The following G3BP2 variants were observed in gnomAD, a reference collection of about 807,000 sequenced individuals.
G3BP2 encodes ras GTPase-activating protein-binding protein 2.
A neutral mutation model predicts 56.7 loss-of-function variants in G3BP2; 11 were observed. That is an observed-to-expected ratio of 0.19 (90% CI 0.12 to 0.32). The LOEUF (loss-of-function observed/expected upper bound fraction) is 0.32. Among genes scored for constraint, G3BP2 ranks in the 10% least tolerant of loss-of-function variants. The pLI, the probability that G3BP2 is intolerant of heterozygous loss-of-function variation, is 1.00. For missense variants in G3BP2, 340 were observed against 610.9 expected, an observed-to-expected ratio of 0.56 and a Z score of 4.67; for synonymous variants, 165 against 191.6, an observed-to-expected ratio of 0.86 and a Z score of 1.15.
intron 3 of G3BP2, among the ~76,000 whole-genome samples, chr4:75,692,458 C>T (rs538571527): frequency 7.2e-5 from 11 of 152,172 alleles, no homozygotes; most frequent in Middle Eastern, 3.4e-3. Context: ...ACTACAGGCG[C>T]GGGCCACCAC....
upstream of G3BP2, among the ~76,000 whole-genome samples, chr4:75,674,719 T>TATATATA (rs57822618): frequency 0.012 from 581 of 50,492 alleles, 2 homozygotes; most frequent in East Asian, 0.037. Flanking sequence ...TATATATATA[T>TATATATA]TTTTTTTTTT....
At chr4:75,699,521 G>C (rs1471244950) in intron 3 of G3BP2, among the ~76,000 whole-genome samples, 2 of 152,162 alleles carry the variant, frequency 1.3e-5, no homozygotes, top group East Asian at 3.8e-4. Context: ...CTTCAGCCTG[G>C]CCCTCAAACT....
Position 75,713,527 on chromosome 4 carries a change from A to G in G3BP2, c.-25+7350T>C, listed in dbSNP as rs1719828313. Among the ~76,000 whole-genome samples, 5 of 152,220 alleles carry G rather than the reference A, an allele frequency of 3.3e-5. No individual in the cohort carries two copies. In the South Asian group the frequency reaches 1.0e-3, roughly 32 times the overall value. On this transcript the variant is annotated intron_variant, in intron 3 of 3. Transcript: ENST00000499709. ...GCAGGGAGTGGTGGATCCTGCCTGT[A>G]ATCTTGGCACTTTGGGAGGCCAAGG...
intron 5 of G3BP2, among the ~76,000 whole-genome samples, chr4:75,656,249 C>T (rs973276844): frequency 2.0e-5 from 3 of 151,812 alleles, no homozygotes; most frequent in Non-Finnish European, 2.9e-5. Flanking sequence ...GCCCTGGCCT[C>T]CCAAAACACT....
In G3BP2 at chr4:75,645,376, A is replaced by T. The variant is rs183350710; in HGVS notation, c.*54T>A. ...AAAGCCAAAAAAAAAATTAACAAGA[A>T]TGCAAACACGATGAATAATGTACCA... On this transcript the variant is annotated 3_prime_UTR_variant, in exon 12 of 12. Transcript: ENST00000359707. 626 of 1,521,942 alleles carry T rather than the reference A, an allele frequency of 4.1e-4. No individual in the cohort carries two copies. Among genetic ancestry groups the T allele is most frequent in the Non-Finnish European group, 2.6e-4 (294 of 1,126,412 alleles). 94.3% of individuals were successfully genotyped at this position (1,521,942 alleles called of 1,614,324 possible). A position where few individuals can be genotyped will look rare whatever the true frequency, so the allele number is the denominator to read the frequency against.
Position 75,702,423 on chromosome 4 carries a change from G to A in G3BP2, c.-25+18454C>T, listed in dbSNP as rs113526050. ...CTCCCAAAGTGCTGGGATTACAGGC[G>A]TGAGCCACCACGCCTGGACCCCCGA... On this transcript the variant is annotated intron_variant, in intron 3 of 3. Coordinates refer to the G3BP2 transcript ENST00000499709. Among the ~76,000 whole-genome samples the A allele has an allele frequency of 1.8e-4, 27 of 152,274 alleles. 1 individual carries two copies. In the South Asian group the frequency reaches 3.3e-3, roughly 19 times the overall value.
chr4:75,645,325 TG>T lies in G3BP2; in HGVS notation c.*104del. 1 of 1,013,102 alleles carries T rather than the reference TG, an allele frequency of 9.9e-7. No homozygotes were observed. Among genetic ancestry groups the T allele is most frequent in the Non-Finnish European group, 1.4e-6 (1 of 692,192 alleles). The allele number at this position is 1,013,102 out of a possible 1,614,324, so 62.8% of individuals were successfully genotyped here. A position where few individuals can be genotyped will look rare whatever the true frequency, so the allele number is the denominator to read the frequency against. On this transcript the variant is annotated 3_prime_UTR_variant, in exon 12 of 12. Coordinates refer to ENST00000359707, the MANE Select transcript of G3BP2 (RefSeq NM_203505.3). ...AAAGATGCTTTTCACATCAAAGAAA[TG>T]ATCAAAAAGGCTGTGTCACATTCCA...
At chr4:75,674,708 ATATATATATATTTT>A (rs1485272690), upstream of G3BP2, among the ~76,000 whole-genome samples, 15 of 44,248 alleles carry the variant, frequency 3.4e-4, no homozygotes, top group African/African-American at 1.2e-3. Context: ...ATATATATAT[ATATATATATATTTT>A]TTTTTTTTTT....
Position 75,716,811 on chromosome 4 carries a change from G to A in G3BP2, c.-25+4066C>T, listed in dbSNP as rs140272138. Among the ~76,000 whole-genome samples, 290 of 152,238 alleles carry A rather than the reference G, an allele frequency of 1.9e-3. 1 individual carries two copies. The highest frequency in any genetic ancestry group is 6.4e-3 in the African/African-American group (264 of 41,560). ...ATTACAGGCGTGAGCCACTGTGCCCGGCCTCTTCTAGTTCTTTATACCACC... is the reference window on the plus strand; with the variant it reads ...ATTACAGGCGTGAGCCACTGTGCCCAGCCTCTTCTAGTTCTTTATACCACC... On this transcript the variant is annotated intron_variant, in intron 3 of 3. Transcript: ENST00000499709.
At chr4:75,699,293 T>C (rs1358211331) in intron 3 of G3BP2, among the ~76,000 whole-genome samples, 1 of 152,222 alleles carries the variant, frequency 6.6e-6, no homozygotes, top group African/African-American at 2.4e-5. Context: ...AGAGCAAAGC[T>C]CCTAAAAAGA....
intron 8 of G3BP2, among the ~76,000 whole-genome samples, chr4:75,651,587 A>C (rs1731703862): frequency 6.6e-6 from 1 of 152,252 alleles, no homozygotes; most frequent in Non-Finnish European, 1.5e-5. Context: ...ACATATGTTA[A>C]CTAAGTCAGC....
chr4:75,689,771 A>T (rs1201737117), intron 3 of G3BP2, among the ~76,000 whole-genome samples: 1 of 152,240 alleles, frequency 6.6e-6, no homozygotes, highest in Non-Finnish European at 1.5e-5. Context: ...ATTTAATACC[A>T]TCAAAGACTG....
At chr4:75,696,860 C>T (rs899059635) in intron 3 of G3BP2, among the ~76,000 whole-genome samples, 27 of 152,154 alleles carry the variant, frequency 1.8e-4, no homozygotes, top group African/African-American at 6.3e-4. Flanking sequence ...CAGCACTTTC[C>T]GCACAGTAGA....
At chr4:75,682,441 A>T (rs1734117702) in intron 3 of G3BP2, among the ~76,000 whole-genome samples, 1 of 151,688 alleles carries the variant, frequency 6.6e-6, no homozygotes, top group Admixed American at 6.6e-5. Context: ...AAAATTATGA[A>T]CTTTATTTCT....
At position 75,645,185 on chromosome 4, in the gene G3BP2, T is replaced by G. The variant is rs1467471436; in HGVS notation, c.*245A>C. 3.8e-6 allele frequency: 2 copies of G among 529,962 alleles called. No individual in the cohort carries two copies. Among genetic ancestry groups the G allele is most frequent in the South Asian group, 5.1e-5 (2 of 39,086 alleles). The allele number at this position is 529,962 out of a possible 1,614,324, so 32.8% of individuals were successfully genotyped here. ...TAAGTTCACTTTGTCGTAGATAGTT[T>G]AAGATATGGTCATTTCTCAGTCCTT... is the stretch of plus-strand genomic sequence containing the variant. On this transcript the variant is annotated 3_prime_UTR_variant, in exon 12 of 12. Transcript: ENST00000359707.
Position 75,719,650 on chromosome 4 carries a change from G to C in G3BP2, c.-25+1227C>G, listed in dbSNP as rs570549414. ...TTGTTGCGCAGGCTGGAGGGCAATG[G>C]CAAGATCCTGGCTCACTGCAACCTC... On this transcript the variant is annotated intron_variant, in intron 3 of 3. Transcript: ENST00000499709. Among the ~76,000 whole-genome samples the C allele has an allele frequency of 8.5e-5, 13 of 152,134 alleles. 1 individual carries two copies. The South Asian group carries it at 2.7e-3, about 32-fold the overall frequency.
At chr4:75,721,712 AC>A (rs764651912) in intron 2 of G3BP2, among the ~76,000 whole-genome samples, 4 of 152,210 alleles carry the variant, frequency 2.6e-5, no homozygotes, top group Non-Finnish European at 5.9e-5. Context: ...CAACTAAAAA[AC>A]AATCTTATGC....
intron 3 of G3BP2, among the ~76,000 whole-genome samples, chr4:75,693,221 C>T (rs1014418744): frequency 6.6e-6 from 1 of 151,996 alleles, no homozygotes; most frequent in African/African-American, 2.4e-5. Context: ...TCCAGCCTGG[C>T]TGACACAGTG....
Position 75,673,352 on chromosome 4 carries a change from C to T in G3BP2, c.-169G>A, listed in dbSNP as rs1229225200. On this transcript the variant is annotated 5_prime_UTR_variant, in exon 1 of 12. Coordinates refer to ENST00000359707, the MANE Select transcript of G3BP2 (RefSeq NM_203505.3). ...AGCCGGAGAGCCGCGAGTTCGTCTG[C>T]CTCACAACCACCTCTTCCCGGGCGC... 2 of 1,231,480 alleles carry T rather than the reference C, an allele frequency of 1.6e-6. No homozygotes were observed. Among genetic ancestry groups the T allele is most frequent in the African/African-American group, 3.1e-5 (2 of 64,418 alleles). The allele number at this position is 1,231,480 out of a possible 1,614,324, so 76.3% of individuals were successfully genotyped here. A position where few individuals can be genotyped will look rare whatever the true frequency, so the allele number is the denominator to read the frequency against.
Sources: allele counts gnomAD v4.1 joint callset (sites outside exome capture counted in the v4.1 genomes callset), GRCh38; gene constraint gnomAD v4.1.1; transcripts MANE v1.5; gene names NCBI Gene and HGNC (gene_info 2026-07-23, HGNC 2026-07-21).